DNAAF9: variants seen among roughly 807,000 people sequenced by gnomAD.
DNAAF9 encodes dynein axonemal assembly factor 9, also known as shulin.
A neutral mutation model predicts 167.0 loss-of-function variants in DNAAF9; 90 were observed. The ratio of observed to expected loss-of-function variants is 0.54; its 90% CI spans 0.45 to 0.64. The LOEUF (loss-of-function observed/expected upper bound fraction) is 0.64, where lower values mean the gene tolerates loss of function less well. DNAAF9 is among the 30% of genes least tolerant of loss of function. The pLI, the probability that DNAAF9 is intolerant of heterozygous loss-of-function variation, is 0.00. For synonymous variants in DNAAF9, 491 were observed against 508.8 expected (o/e 0.96, Z 0.47); for missense variants, 1,315 against 1,442.2 (o/e 0.91, Z 1.43).
At chr20:3,261,582 G>A (rs2122756751) in intron 31 of DNAAF9, among the ~76,000 whole-genome samples, 1 of 151,560 alleles carries the variant, frequency 6.6e-6, no homozygotes, top group South Asian at 2.1e-4. Flanking sequence ...TGGCCAGGCT[G>A]GTCTTGAACT....
At chr20:3,362,422 A>T in intron 6 of DNAAF9, 1 of 429,810 alleles carries the variant, frequency 2.3e-6, no homozygotes, top group Non-Finnish European at 4.1e-6. Context: ...TACATTTTAC[A>T]TTCCAATTTG....
chr20:3,348,692 T>A (rs946690085), intron 7 of DNAAF9, 69 bp from the exon 8 acceptor site: 1 of 899,964 alleles, frequency 1.1e-6, no homozygotes, highest in African/African-American at 1.7e-5. Flanking sequence ...ACGAGAATTA[T>A]GAAACTGTAA....
At chr20:3,262,487 G>A (rs1204514943) in intron 31 of DNAAF9, among the ~76,000 whole-genome samples, 1 of 152,026 alleles carries the variant, frequency 6.6e-6, no homozygotes, top group Non-Finnish European at 1.5e-5. Flanking sequence ...CTGACCTCAT[G>A]GTCCACCTGC....
At chr20:3,368,312 CA>C (rs1306381650) in intron 6 of DNAAF9, among the ~76,000 whole-genome samples, 1 of 152,130 alleles carries the variant, frequency 6.6e-6, no homozygotes, top group Non-Finnish European at 1.5e-5. Flanking sequence ...CTAGTACCAT[CA>C]AGGGGCTCAC....
chr20:3,340,476 T>C, intron 10 of DNAAF9, 28 bp downstream of exon 10: 1 of 528,948 alleles, frequency 1.9e-6, no homozygotes. Flanking sequence ...ATAAAACTAA[T>C]CAAGCACCAG....
chr20:3,402,502 T>C (rs2084001293), intron 1 of DNAAF9, among the ~76,000 whole-genome samples: 1 of 152,170 alleles, frequency 6.6e-6, no homozygotes, highest in Non-Finnish European at 1.5e-5. Flanking sequence ...TAAAATTATA[T>C]ATCCTTCAAT....
At position 3,374,048 on chromosome 20, in the gene DNAAF9, C is replaced by T. The variant is rs1429860319; in HGVS notation, c.612G>A (p.Glu204=). The T allele has an allele frequency of 1.3e-6, 2 of 1,591,504 alleles. No individual in the cohort carries two copies. Among genetic ancestry groups the T allele is most frequent in the Admixed American group, 1.7e-5 (1 of 59,982 alleles). ...GGDGFFTMKY[E]LQDVSLNLWN... ...TAGGCATACTGCTTTTCATACATAC[C>T]TCATATTTCATGGTAAAAAATCCAT... The change falls in exon 6 of 37, where the codon GAG becomes GAA. Residue 204 remains glutamate (E), a splice_region_variant and synonymous_variant. Transcript: ENST00000252032.
intron 6 of DNAAF9, among the ~76,000 whole-genome samples, chr20:3,361,030 A>AG (rs1019169442): frequency 6.6e-6 from 1 of 152,176 alleles, no homozygotes; most frequent in African/African-American, 2.4e-5. Context: ...TTCATTTCCC[A>AG]GGCTGGTGGA....
At position 3,278,919 on chromosome 20, in the gene DNAAF9, A is replaced by AC. The variant is rs2068718995; in HGVS notation, c.2642dup (p.Cys881TrpfsTer8). ...ATAAAGTATATTACTTACCTTGTGA[A>AC]CACTGGTCAAGACATTTAGGAAAGA... On this transcript the variant is annotated frameshift_variant, in exon 29 of 37. Transcript: ENST00000252032. LOFTEE classifies it high-confidence loss of function. 6.2e-7 allele frequency: 1 copy of AC among 1,601,556 alleles called. No homozygotes were observed. The highest frequency in any genetic ancestry group is 1.3e-5 in the African/African-American group (1 of 74,694).
At chr20:3,278,764 G>A in intron 29 of DNAAF9, 148 bp downstream of exon 29, 2 of 745,182 alleles carry the variant, frequency 2.7e-6, no homozygotes, top group Non-Finnish European at 2.5e-6. Flanking sequence ...TATCAAATAT[G>A]GTAAAAGTAA....
At position 3,378,261 on chromosome 20, in the gene DNAAF9, C is replaced by CA. The variant is rs1455611079; in HGVS notation, c.284-1960dup. On this transcript the variant is annotated intron_variant, in intron 3 of 36. Transcript: ENST00000252032. ...CTCAGACATCAGTGTCTAAAGCTCT[C>CA]AGCTGTTGGCTCATCTGGCTCTAAG... Among the ~76,000 whole-genome samples the CA allele has an allele frequency of 1.8e-4, 27 of 152,328 alleles. No homozygotes were observed. In the East Asian group the frequency reaches 5.2e-3, roughly 29 times the overall value.
At chr20:3,310,528 T>C (rs112720459) in intron 20 of DNAAF9, among the ~76,000 whole-genome samples, 3,862 of 151,140 alleles carry the variant, frequency 0.026, 70 homozygotes, top group African/African-American at 0.041. Context: ...CTATTAAAAA[T>C]ACAAAAATTA....
chr20:3,373,981 A>T, intron 6 of DNAAF9, 67 bp downstream of exon 6: 1 of 958,192 alleles, frequency 1.0e-6, no homozygotes. Flanking sequence ...ATGCACACTC[A>T]CATGGGTTCT....
At chr20:3,324,805 G>C in intron 14 of DNAAF9, 87 bp downstream of exon 14, 1 of 723,704 alleles carries the variant, frequency 1.4e-6, no homozygotes, top group South Asian at 1.7e-5. Context: ...TCTCAAAGGG[G>C]AGATGAAATC....
At chr20:3,345,265 C>T (rs374202918) in intron 8 of DNAAF9, among the ~76,000 whole-genome samples, 2 of 152,078 alleles carry the variant, frequency 1.3e-5, no homozygotes, top group Admixed American at 6.6e-5. Context: ...TGATCCACCC[C>T]GCCTGGCTCA....
chr20:3,276,617 T>C (rs1568572868), intron 29 of DNAAF9, among the ~76,000 whole-genome samples: 1 of 152,170 alleles, frequency 6.6e-6, no homozygotes, highest in Non-Finnish European at 1.5e-5. Context: ...AACAGAACAC[T>C]TCCCCAAGGC....
At chr20:3,341,789 T>C (rs1235982856) in intron 9 of DNAAF9, among the ~76,000 whole-genome samples, 2 of 152,116 alleles carry the variant, frequency 1.3e-5, no homozygotes, top group African/African-American at 4.8e-5. Context: ...TATATACATA[T>C]TTTTTTGAGA....
intron 1 of DNAAF9, among the ~76,000 whole-genome samples, chr20:3,404,336 T>C (rs1253443499): frequency 6.6e-6 from 1 of 152,200 alleles, no homozygotes; most frequent in Non-Finnish European, 1.5e-5. Flanking sequence ...GTGCCCAGCC[T>C]GATTACTAGT....
In DNAAF9 at chr20:3,407,563, C is replaced by T; in HGVS notation, c.-6G>A. The T allele has an allele frequency of 2.4e-6, 3 of 1,235,624 alleles. No homozygotes were observed. Among genetic ancestry groups the T allele is most frequent in the African/African-American group, 1.6e-5 (1 of 64,112 alleles). 76.5% of individuals were successfully genotyped at this position (1,235,624 alleles called of 1,614,324 possible). ...CGCGGGGGGTACACGTCCATGGCGG[C>T]GGACGACTGGCGGCGGAGGAGGACG... On this transcript the variant is annotated 5_prime_UTR_variant, in exon 1 of 37. Transcript: ENST00000252032.
Sources: gnomAD v4.1 joint callset for allele counts (sites outside exome capture counted in the v4.1 genomes callset) on GRCh38, gnomAD v4.1.1 for gene constraint, MANE v1.5 for transcripts, NCBI Gene and HGNC (gene_info 2026-07-23, HGNC 2026-07-21) for gene names.